The following ENPP6 variants were observed in gnomAD, a reference collection of about 807,000 sequenced individuals.
ENPP6 encodes ectonucleotide pyrophosphatase/phosphodiesterase 6, also known as glycerophosphocholine cholinephosphodiesterase ENPP6.
A neutral mutation model predicts 42.0 loss-of-function variants in ENPP6; 32 were observed. The ratio of observed to expected loss-of-function variants is 0.76; its 90% CI spans 0.58 to 1.02. The LOEUF is 1.02. Among genes scored for constraint, ENPP6 ranks in the 50% least tolerant of loss-of-function variants. ENPP6 has a pLI of 0.00. For synonymous variants in ENPP6, 213 were observed against 216.0 expected, an observed-to-expected ratio of 0.99 and a Z score of 0.12; for missense variants, 552 against 566.8, an observed-to-expected ratio of 0.97 and a Z score of 0.27.
intron 2 of ENPP6, among the ~76,000 whole-genome samples, chr4:184,137,773 G>T (rs1037070295): frequency 6.6e-6 from 1 of 152,208 alleles, no homozygotes; most frequent in Admixed American, 6.5e-5. Context: ...GGTGGGCCCT[G>T]AACTCCAATT....
chr4:184,096,829 C>CG (rs1181836891), intron 7 of ENPP6, among the ~76,000 whole-genome samples: 12 of 152,044 alleles, frequency 7.9e-5, no homozygotes, highest in Non-Finnish European at 1.3e-4. Flanking sequence ...GTGCTCGAGA[C>CG]GGGAAGGACC....
chr4:184,212,939 T>A (rs1733137060), intron 1 of ENPP6, among the ~76,000 whole-genome samples: 2 of 151,900 alleles, frequency 1.3e-5, no homozygotes, highest in African/African-American at 4.8e-5. Flanking sequence ...ACGCCGCATA[T>A]CTACAACTAT....
intron 5 of ENPP6, among the ~76,000 whole-genome samples, chr4:184,113,979 CT>C (rs1736273230): frequency 9.4e-6 from 1 of 106,872 alleles, no homozygotes; most frequent in Non-Finnish European, 2.0e-5. Context: ...TTCTTTCTTT[CT>C]TTTTGATGGA....
At chr4:184,199,544 CT>C (rs2111113836) in intron 1 of ENPP6, among the ~76,000 whole-genome samples, 1 of 152,312 alleles carries the variant, frequency 6.6e-6, no homozygotes, top group Non-Finnish European at 1.5e-5. Context: ...TGCGGCAGAG[CT>C]GATGGGCTAC....
chr4:184,111,825 T>G (rs972672374), intron 6 of ENPP6, among the ~76,000 whole-genome samples: 5 of 152,218 alleles, frequency 3.3e-5, no homozygotes, highest in African/African-American at 1.2e-4. Flanking sequence ...CCAGTCAGCC[T>G]TCCTGCTGAT....
chr4:184,110,130 C>T (rs1030888448), intron 6 of ENPP6, among the ~76,000 whole-genome samples: 1 of 152,204 alleles, frequency 6.6e-6, no homozygotes, highest in Non-Finnish European at 1.5e-5. Context: ...CAGCACCAGT[C>T]AGAATGGTGC....
intron 6 of ENPP6, among the ~76,000 whole-genome samples, chr4:184,101,430 C>T (rs1042635863): frequency 2.0e-5 from 3 of 151,394 alleles, no homozygotes; most frequent in African/African-American, 4.9e-5. Flanking sequence ...AGGGTGGGGT[C>T]GCTCCAAGGG....
chr4:184,138,655 T>C lies in ENPP6; in HGVS notation c.422-14383A>G, dbSNP rs144965984. Reference sequence around the variant, plus strand: ...GGTATGGACGTTGAGGATCTTAGAATTGGTTTCTTTAAAACTAATCTTGCT... The same window carrying C: ...GGTATGGACGTTGAGGATCTTAGAACTGGTTTCTTTAAAACTAATCTTGCT... On this transcript the variant is annotated intron_variant, in intron 2 of 7. Coordinates refer to ENST00000296741, the MANE Select transcript of ENPP6 (RefSeq NM_153343.4). Among the ~76,000 whole-genome samples the C allele has an allele frequency of 2.0e-5, 3 of 152,316 alleles. No homozygotes were observed. The East Asian group carries it at 5.8e-4, about 29-fold the overall frequency.
rs544299972 is a variant in ENPP6, at chr4:184,100,750, G to A, written c.994-3382C>T. 1.2e-3 allele frequency among the ~76,000 whole-genome samples: 185 copies of A among 152,304 alleles called. 1 individual carries two copies. The South Asian group carries it at 0.038, about 31-fold the overall frequency. On this transcript the variant is annotated intron_variant, in intron 6 of 7. Coordinates refer to ENST00000296741, the MANE Select transcript of ENPP6 (RefSeq NM_153343.4). Reference sequence around the variant, plus strand: ...AAGGAGTGGGGTGCCCCAGGTAAGAGGAGTCCCAGGCGATGGTGGAACGTC... The same window carrying A: ...AAGGAGTGGGGTGCCCCAGGTAAGAAGAGTCCCAGGCGATGGTGGAACGTC...
rs1736466406 is a variant in ENPP6, at chr4:184,124,347, C to A, written c.422-75G>T. Reference sequence around the variant, plus strand: ...CGAGTTATGAGCCTATTTCAGGAAGCAAACACCATTAGTCAAAATCAAAAA... The same window carrying A: ...CGAGTTATGAGCCTATTTCAGGAAGAAAACACCATTAGTCAAAATCAAAAA... On this transcript the variant is annotated intron_variant, in intron 2 of 7. Transcript: ENST00000296741. 3.8e-6 allele frequency: 4 copies of A among 1,047,788 alleles called. No homozygotes were observed. The East Asian group carries it at 9.8e-5, about 26-fold the overall frequency. The allele number at this position is 1,047,788 out of a possible 1,614,324, so 64.9% of individuals were successfully genotyped here.
intron 2 of ENPP6, among the ~76,000 whole-genome samples, chr4:184,130,938 C>T (rs532474488): frequency 1.3e-5 from 2 of 152,324 alleles, no homozygotes; most frequent in South Asian, 4.1e-4. Context: ...ACATTTGGGT[C>T]ATTGCCAGTG....
chr4:184,119,054 A>G (rs376981223), intron 3 of ENPP6, among the ~76,000 whole-genome samples: 1 of 152,240 alleles, frequency 6.6e-6, no homozygotes, highest in African/African-American at 2.4e-5. Context: ...TAAAGCCTAC[A>G]GTATGATTGC....
chr4:184,104,948 A>G (rs1194551177), intron 6 of ENPP6, among the ~76,000 whole-genome samples: 1 of 152,242 alleles, frequency 6.6e-6, no homozygotes, highest in Non-Finnish European at 1.5e-5. Flanking sequence ...AAGCTGGAGA[A>G]CATTAGCAAC....
chr4:184,104,230 AT>A (rs1395506048), intron 6 of ENPP6, among the ~76,000 whole-genome samples: 2 of 152,090 alleles, frequency 1.3e-5, no homozygotes, highest in Non-Finnish European at 2.9e-5. Flanking sequence ...GATTGTCTTG[AT>A]TTCCCCAGAT....
At chr4:184,204,743 T>C (rs1292236638) in intron 1 of ENPP6, among the ~76,000 whole-genome samples, 1 of 152,200 alleles carries the variant, frequency 6.6e-6, no homozygotes, top group Non-Finnish European at 1.5e-5. Flanking sequence ...AAGACACATT[T>C]TGAGATATGT....
In ENPP6 at chr4:184,110,184, T is replaced by C. The variant is rs553960151; in HGVS notation, c.993+2488A>G. Among the ~76,000 whole-genome samples the C allele has an allele frequency of 2.0e-5, 3 of 152,312 alleles. No individual in the cohort carries two copies. In the South Asian group the frequency reaches 6.2e-4, roughly 32 times the overall value. ...TTGCTCTCCCCTCACCCCTTCTTTC[T>C]GTTCTTTGTTTCGGGGCCCCAGTCT... is the stretch of plus-strand genomic sequence containing the variant. On this transcript the variant is annotated intron_variant, in intron 6 of 7. Coordinates refer to ENST00000296741, the MANE Select transcript of ENPP6 (RefSeq NM_153343.4).
chr4:184,128,936 C>G (rs1417043449), intron 2 of ENPP6, among the ~76,000 whole-genome samples: 1 of 152,048 alleles, frequency 6.6e-6, no homozygotes, highest in Admixed American at 6.5e-5. Context: ...GATAATTAAC[C>G]ACCAATAAAT....
rs1439132029 is a variant in ENPP6 at position 184,206,282 on chromosome 4, G to T, written c.241+11297C>A. On this transcript the variant is annotated intron_variant, in intron 1 of 7. Coordinates refer to ENST00000296741, the MANE Select transcript of ENPP6 (RefSeq NM_153343.4). ...TTTTTTTTTTTTTTTTTTTGAGACGGAGTCTCGCTCTGTCGCCCAGGCTGG... is the reference window on the plus strand; with the variant it reads ...TTTTTTTTTTTTTTTTTTTGAGACGTAGTCTCGCTCTGTCGCCCAGGCTGG... Among the ~76,000 whole-genome samples the T allele has an allele frequency of 7.5e-4, 81 of 108,400 alleles. 1 individual carries two copies. Among genetic ancestry groups the T allele is most frequent in the Non-Finnish European group, 1.0e-3 (58 of 56,322 alleles). 71.1% of individuals were successfully genotyped at this position (108,400 alleles called of 152,430 possible). A position where few individuals can be genotyped will look rare whatever the true frequency, so the allele number is the denominator to read the frequency against.
intron 2 of ENPP6, among the ~76,000 whole-genome samples, chr4:184,149,593 A>G (rs994175618): frequency 2.0e-5 from 3 of 152,102 alleles, no homozygotes; most frequent in Non-Finnish European, 2.9e-5. Flanking sequence ...CCCACACCCA[A>G]CACCATTCCA....
Sources: allele counts gnomAD v4.1 joint callset (sites outside exome capture counted in the v4.1 genomes callset), GRCh38; gene constraint gnomAD v4.1.1; transcripts MANE v1.5; gene names NCBI Gene and HGNC (gene_info 2026-07-23, HGNC 2026-07-21).